TECPR1: variants seen among roughly 807,000 people sequenced by gnomAD.
TECPR1 encodes tectonin beta-propeller repeat containing 1.
Under a neutral mutation model 162.4 loss-of-function variants are expected in TECPR1, and 122 were observed. The observed-to-expected ratio is 0.75, with a 90% confidence interval of 0.65 to 0.87. TECPR1 has a LOEUF of 0.87. Ranked by LOEUF, TECPR1 falls within the 40% of genes least tolerant of loss-of-function variation. The probability of loss-of-function intolerance (pLI) is 0.00; values close to 1 mark genes in which losing one functional copy is unlikely to be tolerated. For missense variants in TECPR1, 1,432 were observed against 1,618.2 expected (o/e 0.88, Z 1.97); for synonymous variants, 642 against 670.6 (o/e 0.96, Z 0.66).
chr7:98,246,038 G>A lies in TECPR1; in HGVS notation c.109C>T (p.Arg37Cys), dbSNP rs767224976. 12 of 1,588,144 alleles carry A rather than the reference G, an allele frequency of 7.6e-6. No homozygotes were observed. Among genetic ancestry groups the A allele is most frequent in the Non-Finnish European group, 7.7e-6 (9 of 1,168,040 alleles). Residue 37 changes from arginine (R) to cysteine (C), a missense_variant, in exon 3 of 26, where the codon CGC becomes TGC. Transcript: ENST00000447648. ...MCKDSQLEFK[R>C]VSATTQCCWG... ...CAGCACTGCGTGGTGGCGCTGACGC[G>A]CTTGAACTCCAGCTGGGAGTCCTTG...
At chr7:98,227,367 G>A (rs1389633565) in intron 17 of TECPR1, among the ~76,000 whole-genome samples, 1 of 151,160 alleles carries the variant, frequency 6.6e-6, no homozygotes, top group Non-Finnish European at 1.5e-5. Context: ...ACTCCAGCCT[G>A]GGCGACAGGG....
At position 98,243,604 on chromosome 7, in the gene TECPR1, A is replaced by C; in HGVS notation, c.532-12T>G. The C allele has an allele frequency of 6.2e-7, 1 of 1,610,092 alleles. No homozygotes were observed. The highest frequency in any genetic ancestry group is 8.5e-7 in the Non-Finnish European group (1 of 1,178,154). ...TCCTTCGAGGGGATCTGAAGGAAGGAAGTGAGAAATGGTAGCAGTCAGCGC... is the reference window on the plus strand; with the variant it reads ...TCCTTCGAGGGGATCTGAAGGAAGGCAGTGAGAAATGGTAGCAGTCAGCGC... On this transcript the variant is annotated splice_polypyrimidine_tract_variant and intron_variant, in intron 5 of 25. Coordinates refer to ENST00000447648, the MANE Select transcript of TECPR1 (RefSeq NM_015395.3).
intron 23 of TECPR1, 135 bp downstream of exon 23, chr7:98,221,526 C>CA: frequency 2.9e-6 from 2 of 687,326 alleles, no homozygotes; most frequent in East Asian, 5.8e-5. Flanking sequence ...TCATGCAGAC[C>CA]ATGTTGGCCA....
At chr7:98,221,903 A>G (rs1260064844) in intron 22 of TECPR1, 150 bp from the exon 23 acceptor site, 2 of 644,940 alleles carry the variant, frequency 3.1e-6, no homozygotes, top group East Asian at 2.7e-5. Flanking sequence ...CCTGCCGTCC[A>G]CCCAGCACTG....
At chr7:98,233,367 AC>A in intron 11 of TECPR1, 53 bp downstream of exon 11, 1 of 1,400,732 alleles carries the variant, frequency 7.1e-7, no homozygotes, top group South Asian at 1.7e-5. Flanking sequence ...CACACCCCAC[AC>A]CCCCAGGGCA....
chr7:98,243,539 A>G lies in TECPR1; in HGVS notation c.585T>C (p.Ser195=). 6.2e-7 allele frequency: 1 copy of G among 1,612,604 alleles called. No individual in the cohort carries two copies. Among genetic ancestry groups the G allele is most frequent in the East Asian group, 2.2e-5 (1 of 44,868 alleles). The change falls in exon 6 of 26, where the codon TCT becomes TCC. Residue 195 remains serine (S), a synonymous_variant. Transcript: ENST00000447648. Reference sequence around the variant, plus strand: ...CCTCCGTGATCTCCCAGCCCCCTACAGAGAGGTCGTTGAAGGGGTCGGGCA... The same window carrying G: ...CCTCCGTGATCTCCCAGCCCCCTACGGAGAGGTCGTTGAAGGGGTCGGGCA... ...KELPDPFNDL[S]VGGWEITEEP...
At position 98,240,759 on chromosome 7, in the gene TECPR1, C is replaced by T. The variant is rs1026344868; in HGVS notation, c.933+92G>A. ...AATTTGAGACAGGGTCTCGCTCTGT[C>T]ACCCAGGCTGGAGTCCAGTGGTGTG... On this transcript the variant is annotated intron_variant, in intron 8 of 25. Coordinates refer to ENST00000447648, the MANE Select transcript of TECPR1 (RefSeq NM_015395.3). 3.6e-6 allele frequency: 4 copies of T among 1,111,164 alleles called. No individual in the cohort carries two copies. In the Admixed American group the frequency reaches 7.5e-5, roughly 21 times the overall value. The allele number at this position is 1,111,164 out of a possible 1,614,324, so 68.8% of individuals were successfully genotyped here.
intron 2 of TECPR1, among the ~76,000 whole-genome samples, chr7:98,250,038 C>T (rs575037390): frequency 6.6e-6 from 1 of 152,254 alleles, no homozygotes; most frequent in South Asian, 2.1e-4. Context: ...GGATAATCAC[C>T]ACCACCTACC....
At chr7:98,233,961 G>A (rs1168211952) in intron 10 of TECPR1, 50 bp from the exon 11 acceptor site, 11 of 1,465,788 alleles carry the variant, frequency 7.5e-6, no homozygotes, top group East Asian at 5.0e-5. Context: ...GGGAACAGGC[G>A]CTGTCAGGCA....
At chr7:98,220,817 A>G (rs1429434643) in intron 23 of TECPR1, among the ~76,000 whole-genome samples, 1 of 151,658 alleles carries the variant, frequency 6.6e-6, no homozygotes, top group East Asian at 2.0e-4. Flanking sequence ...CGGCCTCCCA[A>G]AGTGCTGGGA....
chr7:98,217,800 G>A lies in TECPR1; in HGVS notation c.3276C>T (p.Ile1092=), dbSNP rs376885119. The A allele has an allele frequency of 9.9e-5, 153 of 1,550,628 alleles. No homozygotes were observed. The highest frequency in any genetic ancestry group is 1.3e-4 in the Non-Finnish European group (145 of 1,146,960). Residue 1092 remains isoleucine (I), a synonymous_variant, in exon 25 of 26, where the codon ATC becomes ATT. Coordinates refer to ENST00000447648, the MANE Select transcript of TECPR1 (RefSeq NM_015395.3). The stretch of plus-strand genomic sequence containing the variant: ...TGTGGCTGCCCTGCACTTTGTTGGC[G>A]ATCACCCAGACCTGGAGCACAGACC... ...SVGPLDQVWV[I]ANKVQGSHSL...
intron 25 of TECPR1, 49 bp from the exon 26 acceptor site, chr7:98,217,552 C>G: frequency 1.3e-6 from 2 of 1,483,450 alleles, no homozygotes; most frequent in Non-Finnish European, 1.8e-6. Context: ...CTCGAGGATC[C>G]TGGAGGGGAT....
Position 98,232,980 on chromosome 7 carries a change from G to A in TECPR1, c.1673-8C>T, listed in dbSNP as rs201207706. 14 of 1,600,012 alleles carry A rather than the reference G, an allele frequency of 8.7e-6. No individual in the cohort carries two copies. The highest frequency in any genetic ancestry group is 1.3e-5 in the African/African-American group (1 of 74,722). ...GTACCGAGGAGGACAGGCCTGTGGG[G>A]CAGAGAGAGCCTCAGGGCCGGGGCA... On this transcript the variant is annotated splice_polypyrimidine_tract_variant and splice_region_variant and intron_variant, in intron 11 of 25. Transcript: ENST00000447648. The surrounding 1 kb of genome is among the most constrained non-coding windows in gnomAD (Gnocchi z 4.6).
Position 98,228,974 on chromosome 7 carries a change from C to G in TECPR1, c.2410+65G>C, listed in dbSNP as rs955594857. ...AATGGCCCTGGCCTTGGGCAGGGAA[C>G]CCAGACGGGGACTAGAGGAAAGAAC... On this transcript the variant is annotated intron_variant, in intron 16 of 25. Coordinates refer to ENST00000447648, the MANE Select transcript of TECPR1 (RefSeq NM_015395.3). 20 of 1,549,774 alleles carry G rather than the reference C, an allele frequency of 1.3e-5. No homozygotes were observed. The African/African-American group carries it at 2.3e-4, about 18-fold the overall frequency.
Position 98,233,500 on chromosome 7 carries a change from G to T in TECPR1, c.1593C>A (p.His531Gln), listed in dbSNP as rs1466316718. The T allele has an allele frequency of 2.0e-6, 3 of 1,516,166 alleles. No homozygotes were observed. Among genetic ancestry groups the T allele is most frequent in the African/African-American group, 2.8e-5 (2 of 71,500 alleles). The allele number at this position is 1,516,166 out of a possible 1,614,324, so 93.9% of individuals were successfully genotyped here. ...CTCCCGACACCCAGGCCCACAGCGG[G>T]TGGTCATCCACCCCATACGGCTCCT... ...GLEEPYGVDD[H>Q]PLWAWVSGGG... is the part of the protein sequence containing the mutation. The change falls in exon 11 of 26, where the codon CAC (histidine) becomes CAA (glutamine). Residue 531 changes from histidine (H) to glutamine (Q), a missense_variant. By Grantham distance (24) the His-to-Gln change is conservative. Transcript: ENST00000447648.
chr7:98,233,384 C>T, intron 11 of TECPR1, 37 bp downstream of exon 11: 1 of 1,419,316 alleles, frequency 7.0e-7, no homozygotes, highest in Non-Finnish European at 9.2e-7. Context: ...GGGCACCTGG[C>T]CATGTGGATG....
intron 25 of TECPR1, 41 bp from the exon 26 acceptor site, chr7:98,217,544 CGAG>C (rs11471393): frequency 0.88 from 1,366,115 of 1,553,220 alleles, 608,545 homozygotes; most frequent in East Asian, 0.95. Context: ...CTCGGGGACT[CGAG>C]GATCCTGGAG....
rs1247527248 is a variant in TECPR1, at chr7:98,229,186, C to A, written c.2283-20G>T. On this transcript the variant is annotated intron_variant, in intron 15 of 25. Transcript: ENST00000447648. ...CAAAACCTGGAAGGATGGGAGAGGGCAGGTGGAAACCCCTCAGACCCCACC... is the reference window on the plus strand; with the variant it reads ...CAAAACCTGGAAGGATGGGAGAGGGAAGGTGGAAACCCCTCAGACCCCACC... 5 of 1,550,912 alleles carry A rather than the reference C, an allele frequency of 3.2e-6. No individual in the cohort carries two copies. The highest frequency in any genetic ancestry group is 2.7e-5 in the African/African-American group (2 of 73,180).
chr7:98,225,147 G>T, intron 17 of TECPR1, 45 bp from the exon 18 acceptor site: 4 of 1,515,980 alleles, frequency 2.6e-6, no homozygotes, highest in Non-Finnish European at 3.6e-6. Context: ...ACTGGGGAAT[G>T]AACTGGCTCA....
Sources: gnomAD v4.1 joint callset for allele counts (sites outside exome capture counted in the v4.1 genomes callset) on GRCh38, gnomAD v4.1.1 for gene constraint, Gnocchi (gnomAD v3.1) non-coding constraint, MANE v1.5 for transcripts, NCBI Gene and HGNC (gene_info 2026-07-23, HGNC 2026-07-21) for gene names.